Variants in ANKRD11 observed in about 807,000 individuals in gnomAD.
ANKRD11 encodes ankyrin repeat domain 11.
Under a neutral mutation model 195.7 loss-of-function variants are expected in ANKRD11, and 17 were observed. That is an observed-to-expected ratio of 0.09 (90% CI 0.06 to 0.13). The LOEUF (loss-of-function observed/expected upper bound fraction) is 0.13, where lower values mean the gene tolerates loss of function less well. Among genes scored for constraint, ANKRD11 ranks in the 10% least tolerant of loss-of-function variants. ANKRD11 has a pLI of 1.00. For synonymous variants in ANKRD11, 1,953 were observed against 1,528.1 expected (o/e 1.28, Z -6.49); for missense variants, 3,735 against 3,566.1 (o/e 1.05, Z -1.21).
At chr16:89,444,059 T>C (rs1413031011) in intron 1 of ANKRD11, among the ~76,000 whole-genome samples, 1 of 152,118 alleles carries the variant, frequency 6.6e-6, no homozygotes, top group Non-Finnish European at 1.5e-5. Flanking sequence ...GGGACAAAGG[T>C]TAATGAAAAG....
chr16:89,352,841 C>A (rs1250727369), intron 2 of ANKRD11, among the ~76,000 whole-genome samples: 1 of 152,256 alleles, frequency 6.6e-6, no homozygotes, highest in East Asian at 1.9e-4. Context: ...GGGCCCCTAC[C>A]TGCTTTGTCA....
intron 2 of ANKRD11, among the ~76,000 whole-genome samples, chr16:89,369,665 G>C (rs1332655730): frequency 6.6e-6 from 1 of 152,198 alleles, no homozygotes; most frequent in Non-Finnish European, 1.5e-5. Flanking sequence ...GGTGACGCAA[G>C]GGTTTTAAGG....
intron 2 of ANKRD11, among the ~76,000 whole-genome samples, chr16:89,415,850 A>AAAAAAAAAAAAAAAAAAC (rs928499930): frequency 6.8e-6 from 1 of 147,384 alleles, no homozygotes; most frequent in African/African-American, 2.5e-5. Context: ...AAAAAAAAAA[A>AAAAAAAAAAAAAAAAAAC]CAATGGAGAA....
intron 2 of ANKRD11, among the ~76,000 whole-genome samples, chr16:89,372,539 G>A (rs998880528): frequency 6.6e-6 from 1 of 152,156 alleles, no homozygotes; most frequent in African/African-American, 2.4e-5. Flanking sequence ...TGAAACATGA[G>A]CTGATAAAAC....
At chr16:89,388,541 G>A (rs928058008) in intron 2 of ANKRD11, among the ~76,000 whole-genome samples, 1 of 152,192 alleles carries the variant, frequency 6.6e-6, no homozygotes. Context: ...AAAAGCCCAC[G>A]AGATGACAAA....
chr16:89,335,223 A>C (rs1041934223), intron 2 of ANKRD11, among the ~76,000 whole-genome samples: 3 of 152,140 alleles, frequency 2.0e-5, no homozygotes, highest in African/African-American at 7.2e-5. Flanking sequence ...CGTTCCATGC[A>C]GGCTGGGAGA....
At chr16:89,337,292 T>A (rs376391186) in intron 2 of ANKRD11, among the ~76,000 whole-genome samples, 3 of 151,990 alleles carry the variant, frequency 2.0e-5, no homozygotes, top group African/African-American at 7.3e-5. Flanking sequence ...AGGAGAGGAC[T>A]TCAGGTGGCT....
chr16:89,417,430 C>A (rs1250323779), intron 2 of ANKRD11, among the ~76,000 whole-genome samples: 5 of 152,180 alleles, frequency 3.3e-5, no homozygotes, highest in African/African-American at 7.2e-5. Context: ...GTTCACCATG[C>A]GTCTCTGGAA....
intron 1 of ANKRD11, among the ~76,000 whole-genome samples, chr16:89,448,818 G>GT (rs1294592441): frequency 1.3e-5 from 2 of 152,134 alleles, no homozygotes; most frequent in Non-Finnish European, 2.9e-5. Context: ...CGGAGCGCAC[G>GT]TGAGTCCCGG....
chr16:89,292,299 GGA>G (rs2035111976), intron 4 of ANKRD11, among the ~76,000 whole-genome samples: 1 of 152,092 alleles, frequency 6.6e-6, no homozygotes, highest in Admixed American at 6.5e-5. Flanking sequence ...TACAGAGGTG[GGA>G]GACATCTCTA....
At chr16:89,442,788 C>T (rs972793550) in intron 1 of ANKRD11, among the ~76,000 whole-genome samples, 3 of 152,114 alleles carry the variant, frequency 2.0e-5, no homozygotes, top group Non-Finnish European at 2.9e-5. Flanking sequence ...AGGTGTGTGC[C>T]CTATTCTCAC....
intron 2 of ANKRD11, among the ~76,000 whole-genome samples, chr16:89,414,969 G>C (rs1399263188): frequency 6.6e-6 from 1 of 152,186 alleles, no homozygotes; most frequent in East Asian, 1.9e-4. Context: ...ATTTGGGACA[G>C]GGTCTCACCC....
chr16:89,404,691 C>T (rs1391520431), intron 2 of ANKRD11, among the ~76,000 whole-genome samples: 2 of 152,246 alleles, frequency 1.3e-5, no homozygotes, highest in African/African-American at 4.8e-5. Context: ...GTGGCATGTT[C>T]AACCTTCCTA....
chr16:89,463,433 G>A (rs1161244723), intron 1 of ANKRD11, among the ~76,000 whole-genome samples: 6 of 152,128 alleles, frequency 3.9e-5, no homozygotes, highest in Non-Finnish European at 7.4e-5. Flanking sequence ...GATTAAGGGC[G>A]GTGCAAGATG....
At chr16:89,471,356 A>G (rs997468207) in intron 1 of ANKRD11, among the ~76,000 whole-genome samples, 1 of 151,942 alleles carries the variant, frequency 6.6e-6, no homozygotes, top group African/African-American at 2.4e-5. Flanking sequence ...TGCTCTCACC[A>G]CTCAGGAATT....
At chr16:89,290,251 G>GAGGC (rs2034947542) in intron 6 of ANKRD11, among the ~76,000 whole-genome samples, 1 of 18,842 alleles carries the variant, frequency 5.3e-5, no homozygotes, top group Non-Finnish European at 1.8e-4. Context: ...CCAGCGGGGG[G>GAGGC]TAGGCTCAGG....
At position 89,487,220 on chromosome 16, in the gene ANKRD11, C is replaced by T. The variant is rs573070757; in HGVS notation, c.-145+3025G>A. On this transcript the variant is annotated intron_variant, in intron 1 of 12. Transcript: ENST00000301030. ...ACAAGGGATGCACCATCATTTTCACCGATTAACTACAAATACCTTGCTATT... is the reference window on the plus strand; with the variant it reads ...ACAAGGGATGCACCATCATTTTCACTGATTAACTACAAATACCTTGCTATT... Among the ~76,000 whole-genome samples, 225 of 152,234 alleles carry T rather than the reference C, an allele frequency of 1.5e-3. 1 individual carries two copies. Among genetic ancestry groups the T allele is most frequent in the Admixed American group, 2.3e-3 (35 of 15,286 alleles).
At chr16:89,485,363 A>T (rs547947997) in intron 1 of ANKRD11, among the ~76,000 whole-genome samples, 1 of 151,096 alleles carries the variant, frequency 6.6e-6, no homozygotes, top group African/African-American at 2.4e-5. Flanking sequence ...GAGTGGTGGT[A>T]TGGGCCTGTA....
At chr16:89,461,180 A>AC (rs33936253) in intron 1 of ANKRD11, among the ~76,000 whole-genome samples, 19 of 58,290 alleles carry the variant, frequency 3.3e-4, no homozygotes, top group African/African-American at 4.8e-4. Flanking sequence ...ATATCGTATG[A>AC]CCCCCCCCCC....
Sources: allele counts gnomAD v4.1 joint callset (sites outside exome capture counted in the v4.1 genomes callset), GRCh38; gene constraint gnomAD v4.1.1; transcripts MANE v1.5; gene names NCBI Gene and HGNC (gene_info 2026-07-23, HGNC 2026-07-21).